TTBK2: variants seen among roughly 807,000 people sequenced by gnomAD.
The protein encoded by TTBK2 is tau tubulin kinase 2.
In TTBK2, 28 loss-of-function variants were observed where a neutral mutation model predicts 110.8. The ratio of observed to expected loss-of-function variants is 0.25; its 90% CI spans 0.19 to 0.35. TTBK2 has a LOEUF of 0.35. Ranked by LOEUF, TTBK2 falls within the 10% of genes least tolerant of loss-of-function variation. The probability of loss-of-function intolerance (pLI) is 1.00; values close to 1 mark genes in which losing one functional copy is unlikely to be tolerated. For synonymous variants in TTBK2, 532 were observed against 527.3 expected (o/e 1.01, Z -0.12); for missense variants, 1,369 against 1,500.3 (o/e 0.91, Z 1.45).
At chr15:42,884,612 T>TG (rs1375935648) in intron 1 of TTBK2, among the ~76,000 whole-genome samples, 2 of 152,342 alleles carry the variant, frequency 1.3e-5, no homozygotes, top group East Asian at 3.9e-4. Flanking sequence ...ATTAGAGGGC[T>TG]GGAACTTTCG....
chr15:42,876,006 T>G (rs1249794262), intron 2 of TTBK2, among the ~76,000 whole-genome samples: 2 of 150,088 alleles, frequency 1.3e-5, no homozygotes, highest in Non-Finnish European at 3.0e-5. Context: ...GGTTGGGGGT[T>G]GGGGGTGAAG....
At chr15:42,886,800 C>G (rs1051331062) in intron 1 of TTBK2, among the ~76,000 whole-genome samples, 1 of 152,248 alleles carries the variant, frequency 6.6e-6, no homozygotes, top group Non-Finnish European at 1.5e-5. Context: ...GATCTTGCTT[C>G]AAGTGCCGGA....
At chr15:42,771,483 GGT>G (rs1889675733) in intron 13 of TTBK2, among the ~76,000 whole-genome samples, 1 of 152,078 alleles carries the variant, frequency 6.6e-6, no homozygotes, top group Non-Finnish European at 1.5e-5. Flanking sequence ...CTGACAGGTT[GGT>G]GCCAACTTGT....
chr15:42,818,636 C>A (rs1032519553), intron 6 of TTBK2, among the ~76,000 whole-genome samples: 6 of 152,044 alleles, frequency 3.9e-5, no homozygotes, highest in Non-Finnish European at 7.4e-5. Flanking sequence ...AGGAGAATGG[C>A]GTGAACCCGG....
intron 13 of TTBK2, among the ~76,000 whole-genome samples, chr15:42,764,865 T>C (rs1008168342): frequency 2.6e-5 from 4 of 152,208 alleles, no homozygotes; most frequent in Non-Finnish European, 5.9e-5. Flanking sequence ...AGGGGCTGAG[T>C]GTCACCTCAT....
rs2061754154 is a variant in TTBK2 at position 42,741,928 on chromosome 15, A to G, written c.*3867T>C. On this transcript the variant is annotated 3_prime_UTR_variant, in exon 15 of 15. Coordinates refer to ENST00000267890, the MANE Select transcript of TTBK2 (RefSeq NM_173500.4). Reference sequence around the variant, plus strand: ...TTTAATTCAAAGCTCTGGGTATAGAAAAACTAATTATGGTTTTAGCTATCT... The same window carrying G: ...TTTAATTCAAAGCTCTGGGTATAGAGAAACTAATTATGGTTTTAGCTATCT... 6.6e-6 allele frequency: 1 copy of G among 152,244 alleles called. No individual in the cohort carries two copies. 9.4% of individuals were successfully genotyped at this position (152,244 alleles called of 1,614,324 possible). A position where few individuals can be genotyped will look rare whatever the true frequency, so the allele number is the denominator to read the frequency against.
At chr15:42,856,748 T>C (rs189413093) in intron 3 of TTBK2, among the ~76,000 whole-genome samples, 3 of 152,310 alleles carry the variant, frequency 2.0e-5, no homozygotes, top group Non-Finnish European at 4.4e-5. Context: ...TCCCCTAATG[T>C]AAACTGTGGA....
intron 4 of TTBK2, 74 bp from the exon 5 acceptor site, chr15:42,830,152 A>G: frequency 1.3e-6 from 2 of 1,563,198 alleles, no homozygotes; most frequent in South Asian, 2.3e-5. Flanking sequence ...GAAACTACTC[A>G]CTTACCATTA....
intron 2 of TTBK2, among the ~76,000 whole-genome samples, chr15:42,878,056 T>C (rs1166411821): frequency 6.7e-6 from 1 of 149,492 alleles, no homozygotes; most frequent in East Asian, 1.9e-4. Context: ...TTGTACTTCC[T>C]TTTTTTTTCC....
intron 4 of TTBK2, 50 bp downstream of exon 4, chr15:42,840,310 A>G (rs1893165138): frequency 2.1e-6 from 3 of 1,449,382 alleles, no homozygotes; most frequent in Non-Finnish European, 2.9e-6. Flanking sequence ...GTAATTGTAT[A>G]CTTTGATCAA....
chr15:42,815,927 T>TAAAA (rs1262797982), intron 7 of TTBK2, among the ~76,000 whole-genome samples: 3 of 52,454 alleles, frequency 5.7e-5, no homozygotes, highest in African/African-American at 3.0e-4. Context: ...TATATATATT[T>TAAAA]AAAAATATAT....
At chr15:42,770,547 C>T (rs1889624544) in intron 13 of TTBK2, among the ~76,000 whole-genome samples, 1 of 152,226 alleles carries the variant, frequency 6.6e-6, no homozygotes, top group Non-Finnish European at 1.5e-5. Context: ...GCTTTCTTTA[C>T]TTTCCAGTGC....
intron 1 of TTBK2, among the ~76,000 whole-genome samples, chr15:42,899,815 T>C (rs2029885503): frequency 6.7e-6 from 1 of 150,054 alleles, no homozygotes; most frequent in South Asian, 2.1e-4. Flanking sequence ...GGCAGGAGAA[T>C]CGCTTGAATC....
intron 7 of TTBK2, 53 bp downstream of exon 7, chr15:42,816,979 G>T: frequency 1.7e-6 from 2 of 1,201,868 alleles, no homozygotes; most frequent in Non-Finnish European, 2.2e-6. Flanking sequence ...AAGTCAATCT[G>T]ATTTAAGCTA....
intron 11 of TTBK2, among the ~76,000 whole-genome samples, chr15:42,782,125 G>A (rs1890205138): frequency 6.6e-6 from 1 of 152,140 alleles, no homozygotes; most frequent in Non-Finnish European, 1.5e-5. Flanking sequence ...AGGCTGGAGT[G>A]CAGTGGCATG....
intron 7 of TTBK2, among the ~76,000 whole-genome samples, chr15:42,813,897 G>C (rs577294488): frequency 6.6e-6 from 1 of 151,840 alleles, no homozygotes; most frequent in Admixed American, 6.6e-5. Context: ...AAGTAACAAA[G>C]ATGTTCTCAA....
chr15:42,884,326 A>T (rs1476659861), intron 1 of TTBK2, among the ~76,000 whole-genome samples: 1 of 152,212 alleles, frequency 6.6e-6, no homozygotes, highest in Non-Finnish European at 1.5e-5. Flanking sequence ...AATAATAAGA[A>T]ATATAAATAT....
intron 1 of TTBK2, among the ~76,000 whole-genome samples, chr15:42,894,263 A>C (rs996565170): frequency 5.3e-5 from 8 of 152,110 alleles, no homozygotes; most frequent in African/African-American, 1.7e-4. Flanking sequence ...TTTCTTTACA[A>C]ATTACCCAGT....
At chr15:42,808,568 ACC>A in intron 9 of TTBK2, among the ~76,000 whole-genome samples, 1 of 152,186 alleles carries the variant, frequency 6.6e-6, no homozygotes, top group South Asian at 2.1e-4. Flanking sequence ...GAAAGAAAAG[ACC>A]AGGTATGGTG....
Sources: allele counts gnomAD v4.1 joint callset (sites outside exome capture counted in the v4.1 genomes callset), GRCh38; gene constraint gnomAD v4.1.1; transcripts MANE v1.5; gene names NCBI Gene and HGNC (gene_info 2026-07-23, HGNC 2026-07-21).